CNGA3: variants seen among roughly 807,000 people sequenced by gnomAD.
CNGA3 encodes cyclic nucleotide gated channel subunit alpha 3, also known as cyclic nucleotide-gated channel alpha-3.
In CNGA3, 42 loss-of-function variants were observed where a neutral mutation model predicts 46.6. The ratio of observed to expected loss-of-function variants is 0.90; its 90% CI spans 0.70 to 1.17. CNGA3 has a LOEUF of 1.17. Among genes scored for constraint, CNGA3 ranks in the 50% most tolerant of loss-of-function variants. The pLI, the probability that CNGA3 is intolerant of heterozygous loss-of-function variation, is 0.00. For synonymous variants in CNGA3, 394 were observed against 369.4 expected (o/e 1.07, Z -0.76); for missense variants, 893 against 890.7 (o/e 1.00, Z -0.03).
chr2:98,375,075 C>T (rs373076044), intron 2 of CNGA3, among the ~76,000 whole-genome samples: 32 of 152,390 alleles, frequency 2.1e-4, no homozygotes, highest in African/African-American at 7.2e-4. Context: ...GCCTCCTCCC[C>T]CTGAGTGGGC....
rs111328717 is a variant in CNGA3, at chr2:98,377,667, C to T, written c.102-20C>T. ...ATGGGCTTGAAATCAATTCTGCTTG[C>T]TGCATATCTGATTTCCTAGAGCCCA... On this transcript the variant is annotated intron_variant, in intron 2 of 7. Transcript: ENST00000272602. 7.3e-4 allele frequency: 1,163 copies of T among 1,600,990 alleles called. 7 individuals carry two copies. In the African/African-American group the frequency reaches 0.014, roughly 19 times the overall value.
chr2:98,380,029 C>A, intron 3 of CNGA3, 146 bp from the exon 4 acceptor site: 2 of 937,968 alleles, frequency 2.1e-6, no homozygotes, highest in East Asian at 2.6e-5. Flanking sequence ...CCCCAGCACC[C>A]GTACCCTGCT....
At position 98,396,016 on chromosome 2, in the gene CNGA3, C is replaced by A; in HGVS notation, c.846C>A (p.Ser282=). 5.6e-6 allele frequency: 9 copies of A among 1,614,164 alleles called. No individual in the cohort carries two copies. Among genetic ancestry groups the A allele is most frequent in the Non-Finnish European group, 7.6e-6 (9 of 1,180,010 alleles). Reference sequence around the variant, plus strand: ...GGTTCAACCGCCTACTGAAGTTTTCCCGGCTCTTTGAATTCTTTGACCGCA... The same window carrying A: ...GGTTCAACCGCCTACTGAAGTTTTCACGGCTCTTTGAATTCTTTGACCGCA... ...EVRFNRLLKF[S]RLFEFFDRTE... is the part of the protein sequence containing the mutation. The change falls in exon 8 of 8, where the codon TCC becomes TCA. Residue 282 remains serine, a synonymous_variant. Transcript: ENST00000272602.
Position 98,397,583 on chromosome 2 carries a change from T to G in CNGA3, c.*328T>G, listed in dbSNP as rs1692951686. On this transcript the variant is annotated 3_prime_UTR_variant, in exon 8 of 8. Coordinates refer to ENST00000272602, the MANE Select transcript of CNGA3 (RefSeq NM_001298.3). ...ACTTTTTTATGGAATCTGCAAGGTG[T>G]TTTTAGGCTTTTTAATCTGATTTTC... The G allele has an allele frequency of 3.4e-5, 13 of 380,608 alleles. No homozygotes were observed. In the South Asian group the frequency reaches 3.6e-4, roughly 11 times the overall value. 23.6% of individuals were successfully genotyped at this position (380,608 alleles called of 1,614,324 possible).
chr2:98,362,160 T>G (rs556774078), intron 1 of CNGA3, among the ~76,000 whole-genome samples: 1 of 151,000 alleles, frequency 6.6e-6, no homozygotes, highest in Non-Finnish European at 1.5e-5. Context: ...TGTCTTTTCA[T>G]GTCCTTTGCC....
In CNGA3 at chr2:98,380,249, C is replaced by CT; in HGVS notation, c.294dup (p.Pro99SerfsTer2). 6.2e-7 allele frequency: 1 copy of CT among 1,614,210 alleles called. No homozygotes were observed. The highest frequency in any genetic ancestry group is 8.5e-7 in the Non-Finnish European group (1 of 1,180,038). On this transcript the variant is annotated frameshift_variant, in exon 4 of 8. Coordinates refer to ENST00000272602, the MANE Select transcript of CNGA3 (RefSeq NM_001298.3). LOFTEE classifies it high-confidence loss of function. ...CACCACCAGGACCAGGGACCGGACTCTTTTCCTGATCGTTTCCGTGGAGCC... is the reference window on the plus strand; with the variant it reads ...CACCACCAGGACCAGGGACCGGACTCTTTTTCCTGATCGTTTCCGTGGAGCC...
chr2:98,357,192 C>T (rs186378086), intron 1 of CNGA3, among the ~76,000 whole-genome samples: 289 of 152,230 alleles, frequency 1.9e-3, no homozygotes, highest in African/African-American at 6.6e-3. Flanking sequence ...AAGAAAAGTA[C>T]AAGAATAACT....
chr2:98,376,530 C>G (rs1054697986), intron 2 of CNGA3, among the ~76,000 whole-genome samples: 2 of 151,968 alleles, frequency 1.3e-5, no homozygotes, highest in Non-Finnish European at 2.9e-5. Context: ...CCAGGCAGAC[C>G]GGGGCATGGG....
chr2:98,398,180 T>G lies in CNGA3; in HGVS notation c.*925T>G, dbSNP rs896368651. On this transcript the variant is annotated 3_prime_UTR_variant, in exon 8 of 8. Coordinates refer to ENST00000272602, the MANE Select transcript of CNGA3 (RefSeq NM_001298.3). ...GGAACGTATCTTTGCAAACTGCCCA[T>G]TCACCCATGAAGAGGAAGCCTCAAG... is the stretch of plus-strand genomic sequence containing the variant. 1 of 152,138 alleles carries G rather than the reference T, an allele frequency of 6.6e-6. No individual in the cohort carries two copies. The highest frequency in any genetic ancestry group is 1.5e-5 in the Non-Finnish European group (1 of 68,024). The allele number at this position is 152,138 out of a possible 1,614,324, so 9.4% of individuals were successfully genotyped here.
chr2:98,347,993 C>G (rs1221116658), intron 1 of CNGA3, among the ~76,000 whole-genome samples: 3 of 152,174 alleles, frequency 2.0e-5, no homozygotes, highest in Non-Finnish European at 2.9e-5. Flanking sequence ...GAGATGGTCA[C>G]TTGTGTGTGG....
At chr2:98,364,708 A>G (rs1692106878) in intron 1 of CNGA3, among the ~76,000 whole-genome samples, 1 of 152,110 alleles carries the variant, frequency 6.6e-6, no homozygotes, top group South Asian at 2.1e-4. Flanking sequence ...GCTTCATAAT[A>G]TCGTTGGTCT....
chr2:98,352,210 CA>C (rs1691783454), intron 1 of CNGA3, among the ~76,000 whole-genome samples: 1 of 152,136 alleles, frequency 6.6e-6, no homozygotes. Context: ...TTCCTATCGC[CA>C]AATAAGATTC....
At chr2:98,369,858 G>T (rs554826234) in intron 1 of CNGA3, 81 bp from the exon 2 acceptor site, 3 of 860,756 alleles carry the variant, frequency 3.5e-6, no homozygotes, top group Non-Finnish European at 5.7e-6. Context: ...GGCCGCGTGC[G>T]GTAGCCCTTG....
chr2:98,357,531 C>T (rs182047373), intron 1 of CNGA3, among the ~76,000 whole-genome samples: 44 of 152,296 alleles, frequency 2.9e-4, no homozygotes, highest in East Asian at 7.7e-4. Context: ...CTGTTTAACA[C>T]GCCTGTTTTC....
rs1692797868 is a variant in CNGA3, at chr2:98,391,884, A to T, written c.587A>T (p.Gln196Leu). ...LICRACFDEL[Q>L]SEYLMLWLVL... ...TTTAGGGCCTGTTTCGATGAGCTGC[A>T]GTCCGAGTACCTGATGCTGTGGCTG... is the stretch of plus-strand genomic sequence containing the variant. Residue 196 changes from glutamine to leucine, a missense_variant, in exon 7 of 8, where the codon CAG (glutamine) becomes CTG (leucine). Gln to Leu is a moderately radical substitution (Grantham distance 113, BLOSUM62 -2). Around this residue, in one of 3 missense-constraint regions of CNGA3, gnomAD observed 333 missense variants for 290.8 expected, o/e 1.15. Transcript: ENST00000272602. 1 of 1,614,188 alleles carries T rather than the reference A, an allele frequency of 6.2e-7. No individual in the cohort carries two copies.
intron 1 of CNGA3, among the ~76,000 whole-genome samples, chr2:98,367,082 C>T (rs1692171199): frequency 6.6e-6 from 1 of 151,876 alleles, no homozygotes; most frequent in Admixed American, 6.6e-5. Flanking sequence ...GTCAGTCCCA[C>T]TGAGAGAACC....
At chr2:98,391,219 A>G (rs1344918342) in intron 6 of CNGA3, among the ~76,000 whole-genome samples, 2 of 152,172 alleles carry the variant, frequency 1.3e-5, no homozygotes, top group African/African-American at 4.8e-5. Flanking sequence ...AAGAACTTGG[A>G]GCCTGTCCCA....
At chr2:98,393,429 A>C (rs1291436841) in intron 7 of CNGA3, among the ~76,000 whole-genome samples, 1 of 152,192 alleles carries the variant, frequency 6.6e-6, no homozygotes, top group Non-Finnish European at 1.5e-5. Flanking sequence ...AACATCAGAG[A>C]CACCAAGTGA....
chr2:98,378,273 C>T, intron 3 of CNGA3: 6 of 1,498,158 alleles, frequency 4.0e-6, no homozygotes, highest in Non-Finnish European at 5.4e-6. Flanking sequence ...AGACTCCAAG[C>T]TCTGCTTCCC....
Sources: allele counts gnomAD v4.1 joint callset (sites outside exome capture counted in the v4.1 genomes callset), GRCh38; gene constraint gnomAD v4.1.1; regional missense constraint gnomAD v4.1.1; transcripts MANE v1.5; gene names NCBI Gene and HGNC (gene_info 2026-07-23, HGNC 2026-07-21).